LSS: variants seen among roughly 807,000 people sequenced by gnomAD.
LSS encodes 2,3-epoxysqualene-lanosterol cyclase.
In LSS, 90 loss-of-function variants were observed where a neutral mutation model predicts 110.3. The ratio of observed to expected loss-of-function variants is 0.82; its 90% CI spans 0.69 to 0.97. LSS has a LOEUF of 0.97. Among genes scored for constraint, LSS ranks in the 50% least tolerant of loss-of-function variants. The pLI, the probability that LSS is intolerant of heterozygous loss-of-function variation, is 0.00. For synonymous variants in LSS, 433 were observed against 400.0 expected (o/e 1.08, Z -0.98); for missense variants, 927 against 990.0 (o/e 0.94, Z 0.85).
chr21:46,202,393 CAA>C (rs552183189), intron 17 of LSS, among the ~76,000 whole-genome samples: 1 of 87,284 alleles, frequency 1.1e-5, no homozygotes, highest in Non-Finnish European at 2.4e-5. Flanking sequence ...GACTCCGTCT[CAA>C]AAAAAAAAAA....
chr21:46,202,655 G>A (rs2079994473), intron 17 of LSS, among the ~76,000 whole-genome samples: 1 of 152,104 alleles, frequency 6.6e-6, no homozygotes, highest in Non-Finnish European at 1.5e-5. Flanking sequence ...AGGCCGAGGT[G>A]GGAGGATTGC....
At position 46,227,589 on chromosome 21, in the gene LSS, C is replaced by T. The variant is rs2080358995; in HGVS notation, c.282G>A (p.Trp94Ter). The change falls in exon 3 of 22, where the codon TGG (tryptophan) becomes TGA (stop). Residue 94 changes from tryptophan to a stop codon, truncating the protein, a stop_gained. Coordinates refer to ENST00000397728, the MANE Select transcript of LSS (RefSeq NM_002340.6). LOFTEE classifies it high-confidence loss of function. ...YVGLQAEDGH[W>*]TGDYGGPLFL... ...AAAGTGGGCCACCATAATCACCCGT[C>T]CAGTGCCCATCCTCAGCCTGCAGCC... 6.2e-7 allele frequency: 1 copy of T among 1,613,894 alleles called. No individual in the cohort carries two copies. The highest frequency in any genetic ancestry group is 1.3e-5 in the African/African-American group (1 of 74,900).
intron 11 of LSS, 147 bp from the exon 12 acceptor site, chr21:46,210,891 C>A (rs77770075): frequency 1.4e-6 from 1 of 701,076 alleles, no homozygotes; most frequent in African/African-American, 1.8e-5. Flanking sequence ...CCCTGGGCAC[C>A]CCTCATGGCT....
chr21:46,213,661 C>T lies in LSS; in HGVS notation c.1109+77G>A. ...TATTCCCAGATGGCACCGTGGGGGC[C>T]CCCTCACTGGGATGCAGCTGGGGCT... On this transcript the variant is annotated intron_variant, in intron 10 of 21. Transcript: ENST00000397728. 6 of 1,327,436 alleles carry T rather than the reference C, an allele frequency of 4.5e-6. 2 individuals carry two copies. In the Admixed American group the frequency reaches 1.2e-4, roughly 26 times the overall value. The allele number at this position is 1,327,436 out of a possible 1,614,324, so 82.2% of individuals were successfully genotyped here.
At chr21:46,227,832 G>T in intron 2 of LSS, 142 bp from the exon 3 acceptor site, 1 of 941,634 alleles carries the variant, frequency 1.1e-6, no homozygotes, top group Non-Finnish European at 1.6e-6. Flanking sequence ...TCAAAAGTCT[G>T]AAACTCTTTG....
Position 46,191,056 on chromosome 21 carries a change from T to C in LSS, c.*48A>G, listed in dbSNP as rs1601406124. ...GGCTCCCCAACCCGGCCAGGACCCC[T>C]TGGCCTCACTGGAACGCACAGACGG... On this transcript the variant is annotated 3_prime_UTR_variant, in exon 22 of 22. Transcript: ENST00000397728. The C allele has an allele frequency of 9.3e-6, 15 of 1,610,388 alleles. No individual in the cohort carries two copies. In the African/African-American group the frequency reaches 1.5e-4, roughly 16 times the overall value.
intron 8 of LSS, 77 bp downstream of exon 8, chr21:46,215,608 G>A (rs2080194268): frequency 2.0e-6 from 2 of 1,017,964 alleles, no homozygotes; most frequent in East Asian, 5.1e-5. Flanking sequence ...GCTGGCAGGG[G>A]ATGAGTGCGT....
At position 46,209,759 on chromosome 21, in the gene LSS, A is replaced by T; in HGVS notation, c.1195-134T>A. Reference sequence around the variant, plus strand: ...ATCAAACCAGCAGACATCTCCAGAGAGTGCCAGGGTCTCCTGCTGCACTTA... The same window carrying T: ...ATCAAACCAGCAGACATCTCCAGAGTGTGCCAGGGTCTCCTGCTGCACTTA... On this transcript the variant is annotated intron_variant, in intron 12 of 21. Transcript: ENST00000397728. This position sits in a 1 kb window ranked among gnomAD's most constrained non-coding sequence, Gnocchi z 4.4. The T allele has an allele frequency of 2.9e-6, 2 of 684,466 alleles. No individual in the cohort carries two copies. Among genetic ancestry groups the T allele is most frequent in the Non-Finnish European group, 5.1e-6 (2 of 393,102 alleles). 42.4% of individuals were successfully genotyped at this position (684,466 alleles called of 1,614,324 possible). A position where few individuals can be genotyped will look rare whatever the true frequency, so the allele number is the denominator to read the frequency against.
Position 46,215,312 on chromosome 21 carries a change from G to C in LSS, c.893-14C>G. 1 of 1,561,062 alleles carries C rather than the reference G, an allele frequency of 6.4e-7. No homozygotes were observed. On this transcript the variant is annotated splice_polypyrimidine_tract_variant and intron_variant, in intron 8 of 21. Coordinates refer to ENST00000397728, the MANE Select transcript of LSS (RefSeq NM_002340.6). ...GGTTGAGGAGCGCTACAGGGGACAGGGGTCAGTGGATGCCAGACACCATGA... is the reference window on the plus strand; with the variant it reads ...GGTTGAGGAGCGCTACAGGGGACAGCGGTCAGTGGATGCCAGACACCATGA...
At chr21:46,192,525 T>C (rs986574441) in intron 20 of LSS, 5 of 412,110 alleles carry the variant, frequency 1.2e-5, no homozygotes, top group African/African-American at 1.0e-4. Context: ...TGTATGTATG[T>C]GTGCACAGGT....
At chr21:46,223,461 G>C (rs1167855125) in intron 3 of LSS, among the ~76,000 whole-genome samples, 1 of 152,194 alleles carries the variant, frequency 6.6e-6, no homozygotes, top group East Asian at 1.9e-4. Flanking sequence ...CTCTGGCTTA[G>C]AGCATCAGAA....
rs1367507808 is a variant in LSS, at chr21:46,207,667, A to G, written c.1318-90T>C. 7.1e-5 allele frequency: 101 copies of G among 1,420,444 alleles called. 2 individuals are homozygous for G. The highest frequency in any genetic ancestry group is 6.2e-4 in the South Asian group (48 of 77,896). 88.0% of individuals were successfully genotyped at this position (1,420,444 alleles called of 1,614,324 possible). A position where few individuals can be genotyped will look rare whatever the true frequency, so the allele number is the denominator to read the frequency against. ...ACAGCCGCACGCATCCCTCCCCACC[A>G]CAGAGCACCCGGTCAGGGCAGGGGC... is the stretch of plus-strand genomic sequence containing the variant. On this transcript the variant is annotated intron_variant, in intron 14 of 21. Coordinates refer to ENST00000397728, the MANE Select transcript of LSS (RefSeq NM_002340.6).
At chr21:46,202,624 CTG>C (rs1227765774) in intron 17 of LSS, among the ~76,000 whole-genome samples, 13 of 152,274 alleles carry the variant, frequency 8.5e-5, no homozygotes, top group African/African-American at 2.9e-4. Flanking sequence ...GTGGCTCACT[CTG>C]TAATCCCAGC....
chr21:46,202,577 A>C (rs1348583366), intron 17 of LSS, among the ~76,000 whole-genome samples: 1 of 151,842 alleles, frequency 6.6e-6, no homozygotes, highest in Non-Finnish European at 1.5e-5. Context: ...TGAAAGAAAA[A>C]ACTTCCTGGT....
At chr21:46,222,783 G>T (rs958757052) in intron 3 of LSS, 45 bp from the exon 4 acceptor site, 2 of 1,434,448 alleles carry the variant, frequency 1.4e-6, no homozygotes, top group African/African-American at 2.8e-5. Flanking sequence ...AGGTGGTCAT[G>T]ACTGCTAAGA....
intron 14 of LSS, 86 bp downstream of exon 14, chr21:46,208,165 G>A: frequency 7.8e-7 from 1 of 1,274,532 alleles, no homozygotes; most frequent in Non-Finnish European, 1.1e-6. Context: ...CCAGGGAGGA[G>A]CCCCCCCTTC....
chr21:46,228,283 G>A, intron 2 of LSS, 151 bp downstream of exon 2: 2 of 770,942 alleles, frequency 2.6e-6, no homozygotes, highest in South Asian at 1.8e-5. Context: ...TGAAGCGGAG[G>A]GGCCCGCGAA....
At chr21:46,192,022 TCA>T (rs779667679) in intron 20 of LSS, 63 bp from the exon 21 acceptor site, 14 of 1,246,486 alleles carry the variant, frequency 1.1e-5, no homozygotes, top group Non-Finnish European at 1.6e-5. Flanking sequence ...ATCCTCACCC[TCA>T]CACAGCCGAG....
At position 46,194,545 on chromosome 21, in the gene LSS, G is replaced by T; in HGVS notation, c.1934C>A (p.Ala645Asp). Reference protein sequence around the residue: ...SCEERRYLQSAQSQIHNTCWA... With the variant: ...SCEERRYLQSDQSQIHNTCWA... ...GCATGTGTTATGGATCTGGGACTGG[G>T]CACTCTGCAAATAACGCCGCTCCTC... The change falls in exon 20 of 22, where the codon GCC becomes GAC. Residue 645 changes from alanine to aspartate, a missense_variant. Transcript: ENST00000397728. 1 of 1,613,858 alleles carries T rather than the reference G, an allele frequency of 6.2e-7. No homozygotes were observed. The highest frequency in any genetic ancestry group is 1.1e-5 in the South Asian group (1 of 91,086).
Sources: allele counts gnomAD v4.1 joint callset (sites outside exome capture counted in the v4.1 genomes callset), GRCh38; gene constraint gnomAD v4.1.1; non-coding constraint Gnocchi (gnomAD v3.1); transcripts MANE v1.5; gene names NCBI Gene and HGNC (gene_info 2026-07-23, HGNC 2026-07-21).